HHIPL1: variants seen among roughly 807,000 people sequenced by gnomAD.
HHIPL1 encodes HHIP like 1, also known as HHIP-like protein 1.
Under a neutral mutation model 61.8 loss-of-function variants are expected in HHIPL1, and 43 were observed. That is an observed-to-expected ratio of 0.70 (90% CI 0.55 to 0.90). HHIPL1 has a LOEUF of 0.90. HHIPL1 is among the 40% of genes least tolerant of loss of function. The pLI, the probability that HHIPL1 is intolerant of heterozygous loss-of-function variation, is 0.00. For missense variants in HHIPL1, 1,056 were observed against 1,157.7 expected (o/e 0.91, Z 1.28); for synonymous variants, 482 against 515.8 (o/e 0.93, Z 0.89).
chr14:99,634,245 G>A, the HHIPL1 span, among the ~76,000 whole-genome samples: 1 of 152,304 alleles, frequency 6.6e-6, no homozygotes, highest in Admixed American at 6.5e-5. Context: ...GGCTGGGGCT[G>A]GAGATGCCTG....
At chr14:99,629,746 G>A in the HHIPL1 span, among the ~76,000 whole-genome samples, 1 of 152,030 alleles carries the variant, frequency 6.6e-6, no homozygotes, top group East Asian at 1.9e-4. Context: ...CAGGTGATCT[G>A]CCCGCCTCAG....
At chr14:99,641,880 T>TAAA (rs2055756685), upstream of HHIPL1, among the ~76,000 whole-genome samples, 1 of 152,198 alleles carries the variant, frequency 6.6e-6, no homozygotes, top group African/African-American at 2.4e-5. Flanking sequence ...TCCTGCTTTA[T>TAAA]GCCTCTTAGA....
chr14:99,645,500 G>A (rs1050217934), intron 1 of HHIPL1, 38 bp downstream of exon 1: 2 of 1,259,074 alleles, frequency 1.6e-6, no homozygotes, highest in South Asian at 3.0e-5. Context: ...GGCGGGGCGC[G>A]GGAGGCCGAG....
At position 99,668,003 on chromosome 14, in the gene HHIPL1, C is replaced by G. The variant is rs748230380; in HGVS notation, c.1649-219C>G. On this transcript the variant is annotated intron_variant, in intron 6 of 8. Coordinates refer to ENST00000330710, the MANE Select transcript of HHIPL1 (RefSeq NM_001127258.3). This position sits in a 1 kb window ranked among gnomAD's most constrained non-coding sequence, Gnocchi z 4.7. The stretch of plus-strand genomic sequence containing the variant: ...GGCAGAGTGCCTGACACCCGGAAGA[C>G]CAGGCTCCAGAGGCCCTTGGGTACA... Among the ~76,000 whole-genome samples the G allele has an allele frequency of 1.8e-4, 27 of 152,190 alleles. No individual in the cohort carries two copies. The highest frequency in any genetic ancestry group is 3.1e-4 in the African/African-American group (13 of 41,434).
chr14:99,614,770 C>T, the HHIPL1 span, among the ~76,000 whole-genome samples: 1 of 152,200 alleles, frequency 6.6e-6, no homozygotes, highest in East Asian at 1.9e-4. Flanking sequence ...ATGCATACAC[C>T]TAGTGACGCT....
At chr14:99,618,525 C>T in the HHIPL1 span, among the ~76,000 whole-genome samples, 1 of 152,196 alleles carries the variant, frequency 6.6e-6, no homozygotes, top group Non-Finnish European at 1.5e-5. Context: ...TTCCAAGTCC[C>T]GCTTGTAGCC....
Position 99,660,223 on chromosome 14 carries a change from G to A in HHIPL1, c.1376-57G>A. The A allele has an allele frequency of 4.4e-6, 7 of 1,608,386 alleles. No individual in the cohort carries two copies. Among genetic ancestry groups the A allele is most frequent in the South Asian group, 3.3e-5 (3 of 90,516 alleles). The stretch of plus-strand genomic sequence containing the variant: ...GCGGAATCCCTCCGGAATTCTCCTG[G>A]CTGATGAACCTTCCCGCCGCTGGCT... On this transcript the variant is annotated intron_variant, in intron 4 of 8. Transcript: ENST00000330710. The surrounding 1 kb of genome is among the most constrained non-coding windows in gnomAD (Gnocchi z 4.9).
chr14:99,652,859 C>T lies in HHIPL1; in HGVS notation c.891C>T (p.His297=), dbSNP rs1196986888. The T allele has an allele frequency of 3.7e-6, 6 of 1,613,204 alleles. No homozygotes were observed. In the South Asian group the frequency reaches 4.4e-5, roughly 12 times the overall value. Residue 297 remains histidine (H), a synonymous_variant, in exon 2 of 9, where the codon CAC becomes CAT. Transcript: ENST00000330710. ...VSEDDENAVD[H]SSERIILEVK... is the part of the protein sequence containing the mutation. ...AGGATGACGAGAACGCCGTGGACCA[C>T]AGCTCTGAGAGGTGGCTTCCTTGGG...
chr14:99,645,461 A>C lies in HHIPL1; in HGVS notation c.254A>C (p.Gln85Pro). 7.7e-7 allele frequency: 1 copy of C among 1,291,094 alleles called. No individual in the cohort carries two copies. The highest frequency in any genetic ancestry group is 9.7e-7 in the Non-Finnish European group (1 of 1,025,834). The allele number at this position is 1,291,094 out of a possible 1,614,324, so 80.0% of individuals were successfully genotyped here. A position where few individuals can be genotyped will look rare whatever the true frequency, so the allele number is the denominator to read the frequency against. The change falls in exon 1 of 9, where the codon CAG becomes CCG. Residue 85 changes from glutamine (Q) to proline (P), a missense_variant and splice_region_variant. Coordinates refer to ENST00000330710, the MANE Select transcript of HHIPL1 (RefSeq NM_001127258.3). ...GGCTACGCGAGGGACCTGCTGTGCC[A>C]GGTGAGCGGGCGCGCGGCCACCGGG... ...CAGYARDLLCQECSPYAAHLY... is the reference protein window; with the variant it reads ...CAGYARDLLCPECSPYAAHLY...
In HHIPL1 at chr14:99,652,285, C is replaced by T. The variant is rs368711613; in HGVS notation, c.317C>T (p.Thr106Met). Residue 106 changes from threonine to methionine, a missense_variant, in exon 2 of 9, where the codon ACG (threonine) becomes ATG (methionine). Coordinates refer to ENST00000330710, the MANE Select transcript of HHIPL1 (RefSeq NM_001127258.3). ...GAGGACCCATTCACGCCCCTGCGCA[C>T]GGTGCCCGGGCTCTGCCAGGATTAC... ...DAEDPFTPLR[T>M]VPGLCQDYCL... The T allele has an allele frequency of 8.2e-5, 132 of 1,613,752 alleles. No homozygotes were observed. Among genetic ancestry groups the T allele is most frequent in the Admixed American group, 3.3e-4 (20 of 60,002 alleles).
At chr14:99,673,836 G>C (rs1479581149) in intron 8 of HHIPL1, among the ~76,000 whole-genome samples, 2 of 99,326 alleles carry the variant, frequency 2.0e-5, no homozygotes, top group Non-Finnish European at 4.1e-5. Context: ...CATGGAGGGG[G>C]GGTGCACAGA....
intron 7 of HHIPL1, 84 bp from the exon 8 acceptor site, chr14:99,672,233 C>G (rs1199395916): frequency 2.9e-6 from 3 of 1,048,582 alleles, no homozygotes; most frequent in Non-Finnish European, 4.3e-6. Flanking sequence ...CGTTGCTGTT[C>G]ATACCTGCCT....
rs147851253 is a variant in HHIPL1, at chr14:99,651,484, A to G, written c.256-740A>G. 4.0e-3 allele frequency among the ~76,000 whole-genome samples: 602 copies of G among 152,256 alleles called. 3 individuals carry two copies. The highest frequency in any genetic ancestry group is 7.1e-3 in the Non-Finnish European group (482 of 68,016). On this transcript the variant is annotated intron_variant, in intron 1 of 8. Coordinates refer to ENST00000330710, the MANE Select transcript of HHIPL1 (RefSeq NM_001127258.3). ...GAGATGGTGTGGGGGCACACTTTAAAACAACCAAATCTAATGAGAACTCAC... is the reference window on the plus strand; with the variant it reads ...GAGATGGTGTGGGGGCACACTTTAAGACAACCAAATCTAATGAGAACTCAC...
intron 8 of HHIPL1, among the ~76,000 whole-genome samples, 189 bp from the exon 9 acceptor site, chr14:99,674,902 G>T (rs78016404): frequency 0.02 from 3,011 of 152,256 alleles, 100 homozygotes; most frequent in African/African-American, 0.068. Flanking sequence ...GCTGGGTCCG[G>T]GTGACCTGGG....
chr14:99,640,231 G>T (rs1236271684), upstream of HHIPL1, among the ~76,000 whole-genome samples: 1 of 152,074 alleles, frequency 6.6e-6, no homozygotes, highest in East Asian at 1.9e-4. Flanking sequence ...TTTAATGGTT[G>T]GGCTAGAGTA....
intron 1 of HHIPL1, among the ~76,000 whole-genome samples, chr14:99,650,341 C>T (rs2055906411): frequency 6.6e-6 from 1 of 152,202 alleles, no homozygotes; most frequent in African/African-American, 2.4e-5. Context: ...AGGAGCATCC[C>T]CCGAAGCTCT....
At chr14:99,615,858 T>C in the HHIPL1 span, among the ~76,000 whole-genome samples, 1 of 152,156 alleles carries the variant, frequency 6.6e-6, no homozygotes. Context: ...AGCTCACGGA[T>C]TCCCTTGGTA....
the HHIPL1 span, among the ~76,000 whole-genome samples, chr14:99,608,188 G>A: frequency 3.4e-3 from 516 of 152,214 alleles, 1 homozygote; most frequent in Non-Finnish European, 5.4e-3. Flanking sequence ...AGCAGGGTGG[G>A]GAAAGTCGGG....
chr14:99,632,489 C>T, the HHIPL1 span, among the ~76,000 whole-genome samples: 6 of 152,166 alleles, frequency 3.9e-5, no homozygotes, highest in African/African-American at 1.4e-4. Flanking sequence ...CCCATCCCAT[C>T]CCACATCTCC....
Sources: allele counts gnomAD v4.1 joint callset (sites outside exome capture counted in the v4.1 genomes callset), GRCh38; gene constraint gnomAD v4.1.1; non-coding constraint Gnocchi (gnomAD v3.1); transcripts MANE v1.5; gene names NCBI Gene and HGNC (gene_info 2026-07-23, HGNC 2026-07-21).